DYNC2LI1: variants seen among roughly 807,000 people sequenced by gnomAD.
DYNC2LI1 encodes cytoplasmic dynein 2 light intermediate chain 1.
DYNC2LI1 carries 45 observed loss-of-function variants against 51.9 expected under a neutral mutation model. The ratio of observed to expected loss-of-function variants is 0.87; its 90% confidence interval spans 0.68 to 1.11. DYNC2LI1 has a LOEUF of 1.11. DYNC2LI1 is among the 50% of genes most tolerant of loss of function. The pLI, the probability that DYNC2LI1 is intolerant of heterozygous loss-of-function variation, is 0.00. For missense variants in DYNC2LI1, 490 were observed against 417.4 expected (o/e 1.17, Z -1.51); for synonymous variants, 130 against 137.8 (o/e 0.94, Z 0.40).
chr2:43,806,551 C>G (rs1666263681), intron 12 of DYNC2LI1, among the ~76,000 whole-genome samples: 1 of 152,022 alleles, frequency 6.6e-6, no homozygotes, highest in African/African-American at 2.4e-5. Flanking sequence ...CTTATGTAAC[C>G]CTTATTATGT....
the DYNC2LI1 span, chr2:43,822,920 G>C: frequency 2.5e-6 from 4 of 1,613,840 alleles, no homozygotes; most frequent in Admixed American, 1.7e-5. Context: ...GTCGCTGACA[G>C]CTCGCAGCAC....
At chr2:43,792,520 A>G (rs79135877) in intron 5 of DYNC2LI1, among the ~76,000 whole-genome samples, 3,277 of 152,326 alleles carry the variant, frequency 0.022, 121 homozygotes, top group African/African-American at 0.073. Flanking sequence ...TTATTGTCGT[A>G]AAATATACAT....
the DYNC2LI1 span, among the ~76,000 whole-genome samples, chr2:43,826,187 G>C: frequency 3.4e-5 from 5 of 148,448 alleles, no homozygotes; most frequent in African/African-American, 1.0e-4. Context: ...TTTTAGAGAT[G>C]GGGAGTCTCA....
At chr2:43,814,750 A>G (rs1251314163), downstream of DYNC2LI1, among the ~76,000 whole-genome samples, 1 of 152,224 alleles carries the variant, frequency 6.6e-6, no homozygotes, top group East Asian at 1.9e-4. Context: ...AACAACATTG[A>G]ACAATATAAA....
chr2:43,779,713 G>A (rs1673185942), intron 2 of DYNC2LI1, among the ~76,000 whole-genome samples: 1 of 152,160 alleles, frequency 6.6e-6, no homozygotes, highest in South Asian at 2.1e-4. Flanking sequence ...TGAAGAGTGT[G>A]GAGTATTCTA....
chr2:43,812,895 A>AT (rs1666555943), downstream of DYNC2LI1: 2 of 558,150 alleles, frequency 3.6e-6, no homozygotes, highest in Admixed American at 3.1e-5. Context: ...CAATTTCCAA[A>AT]TAACCACATG....
the DYNC2LI1 span, chr2:43,824,888 C>G: frequency 1.2e-6 from 2 of 1,613,888 alleles, no homozygotes; most frequent in East Asian, 4.5e-5. Flanking sequence ...GAAAAACTTA[C>G]TATAGAAGTC....
intron 3 of DYNC2LI1, 66 bp from the exon 4 acceptor site, chr2:43,787,115 G>C: frequency 7.7e-7 from 1 of 1,297,280 alleles, no homozygotes; most frequent in Non-Finnish European, 1.1e-6. Flanking sequence ...AATGAATCAG[G>C]TAAGGTGATA....
At chr2:43,810,099 A>G, downstream of DYNC2LI1, 1 of 505,870 alleles carries the variant, frequency 2.0e-6, no homozygotes, top group Non-Finnish European at 2.6e-6. Flanking sequence ...ATTTGGTTAC[A>G]GTTTTAAATG....
chr2:43,797,223 T>C (rs188298566), intron 8 of DYNC2LI1, among the ~76,000 whole-genome samples: 3 of 152,322 alleles, frequency 2.0e-5, no homozygotes, highest in African/African-American at 7.2e-5. Context: ...TCTGAAGTCA[T>C]GCTCCCTGGG....
intron 11 of DYNC2LI1, 29 bp downstream of exon 11, chr2:43,804,768 A>T: frequency 6.9e-7 from 1 of 1,455,290 alleles, no homozygotes; most frequent in Non-Finnish European, 9.5e-7. Flanking sequence ...TTTAAAAGCA[A>T]GACTTTTAGC....
At chr2:43,782,304 A>T (rs1161398048) in intron 2 of DYNC2LI1, among the ~76,000 whole-genome samples, 1 of 152,130 alleles carries the variant, frequency 6.6e-6, no homozygotes, top group Admixed American at 6.5e-5. Flanking sequence ...ATTTTTTAAT[A>T]TATCTCATTA....
At chr2:43,813,352 A>C, downstream of DYNC2LI1, 170 of 1,384,734 alleles carry the variant, frequency 1.2e-4, no homozygotes, top group Non-Finnish European at 1.6e-4. Context: ...GGTTTATCTC[A>C]GGTAATTTAA....
chr2:43,783,627 A>G (rs111794850), intron 3 of DYNC2LI1, 73 bp downstream of exon 3: 4 of 992,336 alleles, frequency 4.0e-6, no homozygotes, highest in Non-Finnish European at 5.8e-6. Flanking sequence ...GCTCTAAAAG[A>G]CATAAGGAAG....
At chr2:43,786,220 A>T (rs916290676) in intron 3 of DYNC2LI1, among the ~76,000 whole-genome samples, 2 of 152,136 alleles carry the variant, frequency 1.3e-5, no homozygotes, top group Admixed American at 6.5e-5. Context: ...TTTTTGTGAG[A>T]CAGGGTGCCT....
At chr2:43,793,010 T>C (rs1489028663) in intron 5 of DYNC2LI1, 2 of 399,316 alleles carry the variant, frequency 5.0e-6, no homozygotes, top group East Asian at 1.0e-4. Context: ...CTTTTGGGTT[T>C]AGACTCAGAA....
chr2:43,795,403 C>A (rs530035624), intron 6 of DYNC2LI1, among the ~76,000 whole-genome samples: 2 of 152,126 alleles, frequency 1.3e-5, no homozygotes, highest in Admixed American at 6.5e-5. Flanking sequence ...ACTTGGGAGG[C>A]TGAGGCAGGA....
chr2:43,798,112 C>CA (rs111492318), intron 8 of DYNC2LI1, among the ~76,000 whole-genome samples: 26,359 of 144,630 alleles, frequency 0.18, 2,402 homozygotes, highest in Middle Eastern at 0.32. Context: ...GGGCTTGTCT[C>CA]AAAAAAAAAA....
intron 6 of DYNC2LI1, 44 bp downstream of exon 6, chr2:43,794,687 T>G (rs9309107): frequency 6.2e-7 from 1 of 1,612,910 alleles, no homozygotes; most frequent in Non-Finnish European, 8.5e-7. Context: ...TTAGTCCCAT[T>G]TATAGTTAAT....
Sources: allele counts gnomAD v4.1 joint callset (sites outside exome capture counted in the v4.1 genomes callset), GRCh38; gene constraint gnomAD v4.1.1; transcripts MANE v1.5; gene names NCBI Gene and HGNC (gene_info 2026-07-23, HGNC 2026-07-21).